Variants in TRIO observed in about 807,000 individuals in gnomAD.
TRIO encodes the protein trio Rho guanine nucleotide exchange factor.
In TRIO, 58 loss-of-function variants were observed where a neutral mutation model predicts 351.9. The ratio of observed to expected loss-of-function variants is 0.16; its 90% CI spans 0.13 to 0.21. TRIO has a LOEUF of 0.21. Among genes scored for constraint, TRIO ranks in the 10% least tolerant of loss-of-function variants. TRIO has a pLI of 1.00. For missense variants in TRIO, 3,201 were observed against 4,027.8 expected, an observed-to-expected ratio of 0.79 and a Z score of 5.56; for synonymous variants, 1,758 against 1,595.7, an observed-to-expected ratio of 1.10 and a Z score of -2.42.
intron 34 of TRIO, among the ~76,000 whole-genome samples, chr5:14,440,066 AAAG>A (rs1353207675): frequency 5.9e-5 from 9 of 152,230 alleles, no homozygotes; most frequent in African/African-American, 1.2e-4. Context: ...GGAAGTAAAA[AAAG>A]GCAACATTCT....
chr5:14,326,269 C>T (rs766697420), intron 9 of TRIO, among the ~76,000 whole-genome samples: 12 of 152,190 alleles, frequency 7.9e-5, no homozygotes, highest in Non-Finnish European at 1.6e-4. Context: ...GTCAAATGAC[C>T]GTAATCATGC....
At chr5:14,204,822 A>G (rs909322969) in intron 1 of TRIO, among the ~76,000 whole-genome samples, 25 of 152,184 alleles carry the variant, frequency 1.6e-4, no homozygotes, top group African/African-American at 6.0e-4. Flanking sequence ...TCACTGTAAA[A>G]TGCAGATAAC....
At position 14,481,229 on chromosome 5, in the gene TRIO, TG is replaced by T. The variant is rs1755489085; in HGVS notation, c.6337-4del. 1 of 1,613,508 alleles carries T rather than the reference TG, an allele frequency of 6.2e-7. No homozygotes were observed. ...ATTATCATGTCCTCTCCATTTCCCTTGCAGGACTTCCTCAAGTATTCCAAAA... is the reference window on the plus strand; with the variant it reads ...ATTATCATGTCCTCTCCATTTCCCTTCAGGACTTCCTCAAGTATTCCAAAA... On this transcript the variant is annotated splice_region_variant and splice_polypyrimidine_tract_variant and intron_variant, in intron 43 of 56. Transcript: ENST00000344204.
intron 27 of TRIO, 46 bp downstream of exon 27, chr5:14,391,036 A>C: frequency 6.8e-7 from 1 of 1,476,844 alleles, no homozygotes; most frequent in Non-Finnish European, 9.2e-7. Context: ...CAAGTTGTGT[A>C]CATAAAATGC....
At chr5:14,408,989 C>T (rs369344614) in intron 33 of TRIO, among the ~76,000 whole-genome samples, 4 of 152,094 alleles carry the variant, frequency 2.6e-5, no homozygotes, top group Admixed American at 6.5e-5. Flanking sequence ...CTTGTTTCCT[C>T]GGGTAGTTTA....
At chr5:14,148,900 G>A (rs1490451665) in intron 1 of TRIO, among the ~76,000 whole-genome samples, 3 of 152,210 alleles carry the variant, frequency 2.0e-5, no homozygotes, top group Non-Finnish European at 4.4e-5. Flanking sequence ...GGAGCAAGGG[G>A]TAAGCGGGTT....
intron 8 of TRIO, 113 bp from the exon 9 acceptor site, chr5:14,316,400 A>G (rs761555858): frequency 3.9e-6 from 4 of 1,015,708 alleles, no homozygotes; most frequent in East Asian, 2.6e-5. Flanking sequence ...TAATGTGTGT[A>G]CATGTACGTG....
intron 1 of TRIO, among the ~76,000 whole-genome samples, chr5:14,207,153 G>T (rs1009178356): frequency 1.3e-5 from 2 of 151,880 alleles, no homozygotes; most frequent in African/African-American, 2.4e-5. Flanking sequence ...AAATGGTCTG[G>T]GTAAGGTGGC....
intron 1 of TRIO, among the ~76,000 whole-genome samples, chr5:14,181,649 T>C (rs1789775428): frequency 6.6e-6 from 1 of 152,198 alleles, no homozygotes; most frequent in Non-Finnish European, 1.5e-5. Flanking sequence ...ACTGCAGAAA[T>C]CCTTTGAGGG....
intron 34 of TRIO, among the ~76,000 whole-genome samples, chr5:14,453,863 T>A (rs1343913595): frequency 1.3e-5 from 2 of 152,024 alleles, no homozygotes; most frequent in East Asian, 3.9e-4. Flanking sequence ...GTTAGTTGAC[T>A]TTTTTTTCTT....
intron 1 of TRIO, among the ~76,000 whole-genome samples, chr5:14,241,724 C>G (rs1193169093): frequency 6.6e-6 from 1 of 152,140 alleles, no homozygotes; most frequent in Non-Finnish European, 1.5e-5. Flanking sequence ...GATTTGTTCA[C>G]TTTGGGTTCT....
intron 48 of TRIO, among the ~76,000 whole-genome samples, chr5:14,489,847 T>G (rs1423823293): frequency 1.3e-5 from 2 of 152,176 alleles, no homozygotes; most frequent in African/African-American, 4.8e-5. Context: ...CTTTCTCTCT[T>G]TCTCTTCCTA....
At chr5:14,353,807 G>A (rs1451807751) in intron 11 of TRIO, among the ~76,000 whole-genome samples, 1 of 152,238 alleles carries the variant, frequency 6.6e-6, no homozygotes. Context: ...GGCTGTTGCA[G>A]TGGAGTTGCA....
intron 21 of TRIO, among the ~76,000 whole-genome samples, chr5:14,382,311 A>G (rs1746174244): frequency 6.6e-6 from 1 of 152,152 alleles, no homozygotes; most frequent in Non-Finnish European, 1.5e-5. Flanking sequence ...TTATTTGTCC[A>G]TGTTTATGTT....
chr5:14,205,542 G>A (rs994259277), intron 1 of TRIO, among the ~76,000 whole-genome samples: 1 of 152,158 alleles, frequency 6.6e-6, no homozygotes, highest in Admixed American at 6.5e-5. Flanking sequence ...GAATTATGCA[G>A]CTGTAGTTAC....
At chr5:14,276,919 C>A (rs1358176764) in intron 2 of TRIO, among the ~76,000 whole-genome samples, 1 of 152,160 alleles carries the variant, frequency 6.6e-6, no homozygotes, top group Non-Finnish European at 1.5e-5. Flanking sequence ...GTCACACAGA[C>A]ATGTATAGCT....
intron 11 of TRIO, among the ~76,000 whole-genome samples, chr5:14,342,279 A>C (rs1742006066): frequency 6.6e-6 from 1 of 152,216 alleles, no homozygotes; most frequent in Admixed American, 6.5e-5. Context: ...AAACATACCC[A>C]GTGCTCTCTC....
At chr5:14,433,765 T>C (rs1227380081) in intron 34 of TRIO, among the ~76,000 whole-genome samples, 2 of 152,232 alleles carry the variant, frequency 1.3e-5, no homozygotes, top group Non-Finnish European at 2.9e-5. Flanking sequence ...TCCTAATCAT[T>C]ATATCATTCA....
In TRIO at chr5:14,483,054, C is replaced by G. The variant is rs79050654; in HGVS notation, c.6657+281C>G. On this transcript the variant is annotated intron_variant, in intron 46 of 56. Transcript: ENST00000344204. ...GTTTATGCACCCCCTTCTCTAGGACCGAGGAAAACTGGTTTAAATTTGATA... is the reference window on the plus strand; with the variant it reads ...GTTTATGCACCCCCTTCTCTAGGACGGAGGAAAACTGGTTTAAATTTGATA... Among the ~76,000 whole-genome samples, 69 of 152,218 alleles carry G rather than the reference C, an allele frequency of 4.5e-4. 1 individual carries two copies. Among genetic ancestry groups the G allele is most frequent in the African/African-American group, 1.5e-3 (62 of 41,528 alleles).
Sources: gnomAD v4.1 joint callset for allele counts (sites outside exome capture counted in the v4.1 genomes callset) on GRCh38, gnomAD v4.1.1 for gene constraint, MANE v1.5 for transcripts, NCBI Gene and HGNC (gene_info 2026-07-23, HGNC 2026-07-21) for gene names.